The following PIEZO1 variants were observed in gnomAD, a reference collection of about 807,000 sequenced individuals.
The protein encoded by PIEZO1 is piezo-type mechanosensitive ion channel component 1.
PIEZO1 carries 296 observed loss-of-function variants against 297.2 expected under a neutral mutation model. The observed-to-expected ratio is 1.00, with a 90% CI of 0.91 to 1.10. The LOEUF is 1.10. Among genes scored for constraint, PIEZO1 ranks in the 50% least tolerant of loss-of-function variants. PIEZO1 has a pLI of 0.00. For synonymous variants in PIEZO1, 2,427 were observed against 1,507.5 expected, an observed-to-expected ratio of 1.61 and a Z score of -14.13; for missense variants, 5,018 against 3,455.5, an observed-to-expected ratio of 1.45 and a Z score of -11.34.
chr16:88,727,510 T>G, intron 23 of PIEZO1, 47 bp downstream of exon 23: 1 of 742,382 alleles, frequency 1.3e-6, no homozygotes, highest in South Asian at 1.8e-5. Flanking sequence ...GGCGTGAATG[T>G]ACTCTGAGGG....
At position 88,725,529 on chromosome 16, in the gene PIEZO1, G is replaced by T. The variant is rs1904359081; in HGVS notation, c.4059-10C>A. 2.0e-6 allele frequency: 3 copies of T among 1,537,280 alleles called. No homozygotes were observed. Among genetic ancestry groups the T allele is most frequent in the Non-Finnish European group, 2.6e-6 (3 of 1,138,166 alleles). Reference sequence around the variant, plus strand: ...ACGGATACGCTCCATCCTGTGGTGGGGAAAGGTGGGGTATGCTGAGCATTG... The same window carrying T: ...ACGGATACGCTCCATCCTGTGGTGGTGAAAGGTGGGGTATGCTGAGCATTG... On this transcript the variant is annotated splice_polypyrimidine_tract_variant and intron_variant, in intron 28 of 50. Coordinates refer to ENST00000301015, the MANE Select transcript of PIEZO1 (RefSeq NM_001142864.4).
chr16:88,760,282 C>A (rs1387301946), intron 1 of PIEZO1, among the ~76,000 whole-genome samples: 1 of 152,218 alleles, frequency 6.6e-6, no homozygotes, highest in African/African-American at 2.4e-5. Flanking sequence ...CCATCCCAAT[C>A]CACCCCAAGC....
At chr16:88,717,279 C>T in intron 44 of PIEZO1, 68 bp from the exon 45 acceptor site, 2 of 1,384,824 alleles carry the variant, frequency 1.4e-6, no homozygotes, top group African/African-American at 2.9e-5. Flanking sequence ...ACCGCATTCT[C>T]CAGCTCACCC....
At position 88,758,497 on chromosome 16, in the gene PIEZO1, G is replaced by A. The variant is rs568202317; in HGVS notation, c.65-9018C>T. Reference sequence around the variant, plus strand: ...GGCTCATAGCAGCTCATGCGTAACTGCTTCTCCCTGAGCCTATGACAGAGG... The same window carrying A: ...GGCTCATAGCAGCTCATGCGTAACTACTTCTCCCTGAGCCTATGACAGAGG... On this transcript the variant is annotated intron_variant, in intron 1 of 50. Coordinates refer to ENST00000301015, the MANE Select transcript of PIEZO1 (RefSeq NM_001142864.4). Among the ~76,000 whole-genome samples, 24 of 152,314 alleles carry A rather than the reference G, an allele frequency of 1.6e-4. No homozygotes were observed. The South Asian group carries it at 1.7e-3, about 11-fold the overall frequency.
At chr16:88,735,615 A>G (rs1387277852) in intron 12 of PIEZO1, among the ~76,000 whole-genome samples, 2 of 152,276 alleles carry the variant, frequency 1.3e-5, no homozygotes, top group Admixed American at 6.5e-5. Context: ...ACAGGTGCAT[A>G]TGTTGGCACA....
At chr16:88,781,126 G>A (rs540153612) in intron 1 of PIEZO1, among the ~76,000 whole-genome samples, 3 of 152,316 alleles carry the variant, frequency 2.0e-5, no homozygotes, top group East Asian at 1.9e-4. Flanking sequence ...CCCATCTCAG[G>A]AGTGGGCTGC....
Position 88,725,464 on chromosome 16 carries a change from T to C in PIEZO1, c.4114A>G (p.Ser1372Gly). The C allele has an allele frequency of 6.6e-7, 1 of 1,509,296 alleles. No individual in the cohort carries two copies. The highest frequency in any genetic ancestry group is 8.9e-7 in the Non-Finnish European group (1 of 1,124,978). The allele number at this position is 1,509,296 out of a possible 1,614,324, so 93.5% of individuals were successfully genotyped here. The change falls in exon 29 of 51, where the codon AGT becomes GGT. Residue 1372 changes from serine (S) to glycine (G), a missense_variant. Physicochemically the swap from Ser to Gly is moderately conservative, Grantham distance 56 (BLOSUM62 0). Coordinates refer to ENST00000301015, the MANE Select transcript of PIEZO1 (RefSeq NM_001142864.4). ...EKHRQGRVDR[S>G]RPQDTLGPKD... Reference sequence around the variant, plus strand: ...GGGCCCAGGGTGTCCTGGGGGCGACTGCGGTCCACCCGGCCCTGCCTGTGC... The same window carrying C: ...GGGCCCAGGGTGTCCTGGGGGCGACCGCGGTCCACCCGGCCCTGCCTGTGC...
rs114187537 is a variant in PIEZO1, at chr16:88,743,022, G to A, written c.161-600C>T. The A allele has an allele frequency of 4.1e-3, 1,869 of 455,830 alleles. 40 individuals are homozygous for A. Among genetic ancestry groups the A allele is most frequent in the African/African-American group, 0.034 (1,702 of 50,192 alleles). The allele number at this position is 455,830 out of a possible 1,614,324, so 28.2% of individuals were successfully genotyped here. ...CACCCTGGCATTTCAGGCACCTGCTGTGCACCAGGTCAGGCCCCAGACCGG... is the reference window on the plus strand; with the variant it reads ...CACCCTGGCATTTCAGGCACCTGCTATGCACCAGGTCAGGCCCCAGACCGG... On this transcript the variant is annotated intron_variant, in intron 2 of 50. Transcript: ENST00000301015.
Position 88,736,206 on chromosome 16 carries a change from C to G in PIEZO1, c.1499G>C (p.Ser500Thr), listed in dbSNP as rs756168052. ...GTGCTCCAGCCCCAGCTGGCGCAGG[C>G]TGACGGGGCCCAGGGTGGTGGGCAG... ...PELPTTLGPV[S>T]LRQLGLEHTR... Residue 500 changes from serine (S) to threonine (T), a missense_variant, in exon 12 of 51, where the codon AGC (serine) becomes ACC (threonine). Transcript: ENST00000301015. 2.2e-5 allele frequency: 34 copies of G among 1,549,642 alleles called. No homozygotes were observed. Among genetic ancestry groups the G allele is most frequent in the Non-Finnish European group, 2.9e-5 (33 of 1,146,724 alleles).
Position 88,726,021 on chromosome 16 carries a change from T to G in PIEZO1, c.3968+263A>C, listed in dbSNP as rs1378650623. On this transcript the variant is annotated intron_variant, in intron 27 of 50. Transcript: ENST00000301015. The stretch of plus-strand genomic sequence containing the variant: ...TCCCGCTGGTGGAGAAACTTAGCCC[T>G]TAGTGGGAAAGTTGGCTGGGGGTGA... 2.5e-5 allele frequency: 14 copies of G among 567,192 alleles called. No homozygotes were observed. In the Admixed American group the frequency reaches 4.3e-4, roughly 17 times the overall value. The allele number at this position is 567,192 out of a possible 1,614,324, so 35.1% of individuals were successfully genotyped here. A position where few individuals can be genotyped will look rare whatever the true frequency, so the allele number is the denominator to read the frequency against.
At chr16:88,776,057 A>T (rs1490865058) in intron 1 of PIEZO1, among the ~76,000 whole-genome samples, 2 of 152,196 alleles carry the variant, frequency 1.3e-5, no homozygotes, top group Admixed American at 6.5e-5. Context: ...CACGGGCTAC[A>T]AGCTGGGGAG....
At position 88,732,327 on chromosome 16, in the gene PIEZO1, T is replaced by A; in HGVS notation, c.2991+8A>T. ...CTGCCCCAGGGGGAGGCAATGTCCT[T>A]GCCTCACCTCCAGCCCGAATTTGTA... On this transcript the variant is annotated splice_region_variant and intron_variant, in intron 21 of 50. Coordinates refer to ENST00000301015, the MANE Select transcript of PIEZO1 (RefSeq NM_001142864.4). The A allele has an allele frequency of 6.5e-7, 1 of 1,547,908 alleles. No homozygotes were observed. Among genetic ancestry groups the A allele is most frequent in the Non-Finnish European group, 8.7e-7 (1 of 1,145,084 alleles).
At chr16:88,760,866 G>A (rs188032545) in intron 1 of PIEZO1, among the ~76,000 whole-genome samples, 3 of 152,232 alleles carry the variant, frequency 2.0e-5, no homozygotes, top group Non-Finnish European at 2.9e-5. Flanking sequence ...TAATTAGCTC[G>A]GTGTCCAGGT....
In PIEZO1 at chr16:88,742,110, G is replaced by A. The variant is rs1363460794; in HGVS notation, c.284-15C>T. ...CCAGCGGCTGCCTGCAGAGAAAGAC[G>A]GGGGAACCCAGGTCAGGCTCTGCCC... On this transcript the variant is annotated splice_polypyrimidine_tract_variant and intron_variant, in intron 3 of 50. Coordinates refer to ENST00000301015, the MANE Select transcript of PIEZO1 (RefSeq NM_001142864.4). 10 of 1,535,728 alleles carry A rather than the reference G, an allele frequency of 6.5e-6. No individual in the cohort carries two copies. The highest frequency in any genetic ancestry group is 2.4e-5 in the South Asian group (2 of 84,036).
intron 37 of PIEZO1, 31 bp from the exon 38 acceptor site, chr16:88,721,757 G>A (rs1207178882): frequency 1.3e-6 from 2 of 1,534,362 alleles, no homozygotes; most frequent in Admixed American, 4.0e-5. Context: ...CACGCGGGGA[G>A]GGTCACGGCG....
rs1312014336 is a variant in PIEZO1 at position 88,722,329 on chromosome 16, T to C, written c.4844A>G (p.Tyr1615Cys). ...DDMGSPLSTG[Y>C]HTRSGSEEAV... ...CTCCTCACTGCCACTGCGCGTGTGG[T>C]AGCCGGTGCTCAGGGGGCTGCCCAT... Residue 1615 changes from tyrosine (Y) to cysteine (C), a missense_variant, in exon 36 of 51, where the codon TAC becomes TGC. Transcript: ENST00000301015. The C allele has an allele frequency of 3.9e-6, 6 of 1,543,808 alleles. No homozygotes were observed. In the South Asian group the frequency reaches 6.0e-5, roughly 15 times the overall value.
intron 2 of PIEZO1, among the ~76,000 whole-genome samples, chr16:88,746,827 C>A (rs575298321): frequency 4.6e-5 from 7 of 152,314 alleles, no homozygotes; most frequent in African/African-American, 1.7e-4. Flanking sequence ...TTTCCAATTG[C>A]GCCCTGGGCA....
At chr16:88,725,199 C>A in intron 29 of PIEZO1, 119 bp from the exon 30 acceptor site, 1 of 778,698 alleles carries the variant, frequency 1.3e-6, no homozygotes, top group South Asian at 1.9e-5. Flanking sequence ...CCCACAGTGA[C>A]GGGGGCCGTG....
rs869025597 is a variant in PIEZO1 at position 88,722,285 on chromosome 16, C to T, written c.4888G>A (p.Glu1630Lys). The change falls in exon 36 of 51, where the codon GAG becomes AAG. Residue 1630 changes from glutamate to lysine, a missense_variant. Physicochemically the swap from Glu to Lys is moderately conservative, Grantham distance 56 (BLOSUM62 1). Transcript: ENST00000301015. ...TACAGAGAGGCACCAGCCTCACGCTCCCCGGGGTCGGTGACTGCCTCCTCA... is the reference window on the plus strand; with the variant it reads ...TACAGAGAGGCACCAGCCTCACGCTTCCCGGGGTCGGTGACTGCCTCCTCA... ...GSEEAVTDPG[E>K]REAGASLYQG... 2 of 1,548,496 alleles carry T rather than the reference C, an allele frequency of 1.3e-6. No homozygotes were observed. The highest frequency in any genetic ancestry group is 4.9e-5 in the East Asian group (2 of 40,920).
Sources: allele counts gnomAD v4.1 joint callset (sites outside exome capture counted in the v4.1 genomes callset), GRCh38; gene constraint gnomAD v4.1.1; transcripts MANE v1.5; gene names NCBI Gene and HGNC (gene_info 2026-07-23, HGNC 2026-07-21).